The following KHDRBS2 variants were observed in gnomAD, a reference collection of about 807,000 sequenced individuals.
The protein encoded by KHDRBS2 is KH RNA binding domain containing, signal transduction associated 2, also known as KH domain-containing, RNA-binding, signal transduction-associated protein 2.
In KHDRBS2, 26 loss-of-function variants were observed where a neutral mutation model predicts 44.3. That is an observed-to-expected ratio of 0.59 (90% confidence interval 0.43 to 0.81). The LOEUF is 0.81. KHDRBS2 is among the 40% of genes least tolerant of loss of function. The pLI is 0.00. For synonymous variants in KHDRBS2, 194 were observed against 151.1 expected (o/e 1.28, Z -2.08); for missense variants, 476 against 433.1 (o/e 1.10, Z -0.88).
chr6:61,565,410 T>C, the KHDRBS2 span, among the ~76,000 whole-genome samples: 3 of 151,996 alleles, frequency 2.0e-5, no homozygotes, highest in African/African-American at 7.2e-5. Flanking sequence ...TATTTAGAAG[T>C]ATTCAACTGA....
chr6:61,801,885 C>G (rs1786337772), intron 6 of KHDRBS2, among the ~76,000 whole-genome samples: 1 of 152,106 alleles, frequency 6.6e-6, no homozygotes, highest in South Asian at 2.1e-4. Flanking sequence ...GTAATTAAGA[C>G]CTCAATTCAG....
intron 6 of KHDRBS2, among the ~76,000 whole-genome samples, chr6:61,769,615 G>A (rs938993044): frequency 1.1e-4 from 15 of 138,094 alleles, no homozygotes; most frequent in Admixed American, 4.3e-4. Flanking sequence ...ACTGCAAGGC[G>A]GCAGCGAGGC....
intron 1 of KHDRBS2, among the ~76,000 whole-genome samples, chr6:62,194,058 A>G (rs1825130647): frequency 6.6e-6 from 1 of 152,070 alleles, no homozygotes; most frequent in African/African-American, 2.4e-5. Context: ...ATTTGCACCC[A>G]CAAAAGTTGT....
intron 4 of KHDRBS2, among the ~76,000 whole-genome samples, chr6:61,963,216 T>A (rs1437840619): frequency 6.6e-5 from 10 of 152,068 alleles, no homozygotes. Context: ...CCTGGTTTAA[T>A]GTAATTATAA....
At chr6:62,120,474 T>C (rs1431036925) in intron 2 of KHDRBS2, among the ~76,000 whole-genome samples, 1 of 152,032 alleles carries the variant, frequency 6.6e-6, no homozygotes, top group African/African-American at 2.4e-5. Context: ...TTAAAAGCAA[T>C]GGGAATAATT....
At chr6:62,156,051 TA>T (rs1816308162) in intron 2 of KHDRBS2, among the ~76,000 whole-genome samples, 2 of 152,196 alleles carry the variant, frequency 1.3e-5, no homozygotes, top group Admixed American at 1.3e-4. Context: ...TATGTTAATT[TA>T]TGACATTTCC....
chr6:62,087,337 G>C (rs1798583861), intron 2 of KHDRBS2, among the ~76,000 whole-genome samples: 1 of 151,876 alleles, frequency 6.6e-6, no homozygotes, highest in Non-Finnish European at 1.5e-5. Flanking sequence ...GAATTAGGAA[G>C]AATAATGTTT....
At chr6:61,810,324 T>C (rs1787910779) in intron 6 of KHDRBS2, among the ~76,000 whole-genome samples, 1 of 151,996 alleles carries the variant, frequency 6.6e-6, no homozygotes, top group Admixed American at 6.6e-5. Context: ...TGTGTGGTGT[T>C]GAGAGATGAC....
intron 1 of KHDRBS2, among the ~76,000 whole-genome samples, chr6:62,253,665 T>C (rs1001028985): frequency 3.9e-5 from 6 of 152,010 alleles, no homozygotes; most frequent in African/African-American, 1.4e-4. Flanking sequence ...AAATTCCTAT[T>C]ATATTTGCAA....
rs3054865 is a variant in KHDRBS2, at chr6:61,695,222, A to AAAACAAAC, written c.952+1965_952+1972dup. Among the ~76,000 whole-genome samples the AAAACAAAC allele has an allele frequency of 7.6e-3, 1,149 of 150,516 alleles. 8 individuals carry two copies. Among genetic ancestry groups the AAAACAAAC allele is most frequent in the African/African-American group, 0.021 (870 of 41,036 alleles). ...CTGAACCCTGCTCCCACCTCCTGAC[A>AAAACAAAC]AAACAAACAAACAAACAAACAAACC... On this transcript the variant is annotated intron_variant, in intron 8 of 8. Transcript: ENST00000281156.
chr6:61,792,016 C>T (rs1784705354), intron 6 of KHDRBS2, among the ~76,000 whole-genome samples: 1 of 150,364 alleles, frequency 6.7e-6, no homozygotes, highest in African/African-American at 2.4e-5. Flanking sequence ...ATATTTTTTT[C>T]TTCTCTTTTA....
chr6:62,137,024 G>T (rs1302140514), intron 2 of KHDRBS2, among the ~76,000 whole-genome samples: 1 of 119,976 alleles, frequency 8.3e-6, no homozygotes, highest in Non-Finnish European at 1.6e-5. Context: ...TTTTTGAGAC[G>T]GAGTCTCCCT....
intron 2 of KHDRBS2, among the ~76,000 whole-genome samples, chr6:62,126,498 C>CA (rs1809004034): frequency 6.6e-6 from 1 of 152,134 alleles, no homozygotes; most frequent in Admixed American, 6.6e-5. Context: ...AGGCAGTAGC[C>CA]AGACAGTGCT....
chr6:62,248,360 T>G (rs1394283320), intron 1 of KHDRBS2, among the ~76,000 whole-genome samples: 2 of 151,986 alleles, frequency 1.3e-5, no homozygotes, highest in East Asian at 3.9e-4. Context: ...TTATTATTTT[T>G]TATTTTTTCA....
intron 1 of KHDRBS2, among the ~76,000 whole-genome samples, chr6:62,178,825 A>G (rs1396930949): frequency 6.6e-6 from 1 of 151,558 alleles, no homozygotes; most frequent in African/African-American, 2.4e-5. Flanking sequence ...AGAATGTGAC[A>G]GTGTTTTACT....
chr6:62,277,278 G>A (rs888258054), intron 1 of KHDRBS2, among the ~76,000 whole-genome samples: 9 of 151,970 alleles, frequency 5.9e-5, no homozygotes, highest in Non-Finnish European at 8.8e-5. Flanking sequence ...TTAAACATTT[G>A]ATACTTCATT....
chr6:61,895,998 T>C (rs527699372), intron 5 of KHDRBS2, among the ~76,000 whole-genome samples: 61 of 152,282 alleles, frequency 4.0e-4, no homozygotes, highest in African/African-American at 1.3e-3. Context: ...AGAGAATTTA[T>C]TGTGAGTCTA....
chr6:61,892,561 C>T (rs1305837433), intron 6 of KHDRBS2, among the ~76,000 whole-genome samples: 1 of 152,042 alleles, frequency 6.6e-6, no homozygotes, highest in African/African-American at 2.4e-5. Context: ...GAGATACAGA[C>T]CAATGGAACA....
At chr6:61,974,170 A>C (rs1377838771) in intron 4 of KHDRBS2, among the ~76,000 whole-genome samples, 1 of 152,180 alleles carries the variant, frequency 6.6e-6, no homozygotes, top group Non-Finnish European at 1.5e-5. Context: ...TAGGAAAATA[A>C]AACAGTGTTA....
Sources: gnomAD v4.1 joint callset for allele counts (sites outside exome capture counted in the v4.1 genomes callset) on GRCh38, gnomAD v4.1.1 for gene constraint, MANE v1.5 for transcripts, NCBI Gene and HGNC (gene_info 2026-07-23, HGNC 2026-07-21) for gene names.